FANCB: variants seen among roughly 807,000 people sequenced by gnomAD.
FANCB encodes FA complementation group B.
FANCB carries 5 observed loss-of-function variants against 38.9 expected under a neutral mutation model. The ratio of observed to expected loss-of-function variants is 0.13; its 90% CI spans 0.07 to 0.27. The LOEUF is 0.27. Ranked by LOEUF, FANCB falls within the 10% of genes least tolerant of loss-of-function variation. The probability of loss-of-function intolerance (pLI) is 1.00; values close to 1 mark genes in which losing one functional copy is unlikely to be tolerated. For synonymous variants in FANCB, 236 were observed against 215.4 expected, an observed-to-expected ratio of 1.10 and a Z score of -0.84; for missense variants, 573 against 602.7, an observed-to-expected ratio of 0.95 and a Z score of 0.52.
At chrX:14,696,816 T>A in the FANCB span, among the ~76,000 whole-genome samples, 3 of 112,129 alleles carry the variant, frequency 2.7e-5, no homozygotes, top group Non-Finnish European at 3.8e-5. Context: ...TTACAATCCC[T>A]GCTATGTTTA....
the FANCB span, among the ~76,000 whole-genome samples, chrX:14,715,936 G>A: frequency 9.0e-6 from 1 of 111,710 alleles, no homozygotes; most frequent in Non-Finnish European, 1.9e-5. Context: ...GCGTAGCACA[G>A]TGCAAAATTA....
At chrX:14,721,618 T>G in the FANCB span, among the ~76,000 whole-genome samples, 1 of 111,449 alleles carries the variant, frequency 9.0e-6, no homozygotes, top group East Asian at 2.8e-4. Context: ...GCTTTAGATA[T>G]TTCTCAGGTT....
chrX:14,691,509 G>T, the FANCB span, among the ~76,000 whole-genome samples: 1 of 111,483 alleles, frequency 9.0e-6, no homozygotes, highest in Non-Finnish European at 1.9e-5. Context: ...GAGACTTCAG[G>T]TTTGAAATGC....
chrX:14,791,088 G>GA, the FANCB span, among the ~76,000 whole-genome samples: 6 of 103,987 alleles, frequency 5.8e-5, no homozygotes, highest in Non-Finnish European at 7.9e-5. Flanking sequence ...AAGACCATGA[G>GA]AAAAAAAAAA....
the FANCB span, among the ~76,000 whole-genome samples, chrX:14,746,772 C>T: frequency 8.9e-6 from 1 of 112,149 alleles, no homozygotes; most frequent in Non-Finnish European, 1.9e-5. Flanking sequence ...TGGTTAAGTA[C>T]ATTTGAGACC....
At chrX:14,793,211 T>C in the FANCB span, among the ~76,000 whole-genome samples, 1 of 112,441 alleles carries the variant, frequency 8.9e-6, no homozygotes, top group Non-Finnish European at 1.9e-5. Flanking sequence ...AAACCCATAA[T>C]ATATTGAGCC....
chrX:14,836,978 C>T (rs1320149426), intron 10 of FANCB, among the ~76,000 whole-genome samples: 3 of 111,983 alleles, frequency 2.7e-5, no homozygotes, highest in African/African-American at 9.8e-5. Context: ...CAACAAGAGT[C>T]TTAAATTTAT....
At chrX:14,779,766 A>T in the FANCB span, among the ~76,000 whole-genome samples, 1 of 111,165 alleles carries the variant, frequency 9.0e-6, no homozygotes, top group Non-Finnish European at 1.9e-5. Flanking sequence ...TGATAGTGGA[A>T]GATAAGGTCT....
the FANCB span, among the ~76,000 whole-genome samples, chrX:14,741,792 C>G: frequency 1.8e-5 from 2 of 111,572 alleles, no homozygotes; most frequent in African/African-American, 3.3e-5. Flanking sequence ...TGTTCCAGAC[C>G]AAAGAGCATT....
intron 3 of FANCB, 49 bp from the exon 4 acceptor site, chrX:14,859,383 T>A (rs1463940188): frequency 3.2e-6 from 3 of 941,774 alleles, no homozygotes; most frequent in Admixed American, 2.3e-5. Flanking sequence ...AAAAATCGAA[T>A]GTGAAATAAA....
At chrX:14,693,446 G>A in the FANCB span, among the ~76,000 whole-genome samples, 20 of 111,232 alleles carry the variant, frequency 1.8e-4, no homozygotes, top group Non-Finnish European at 3.8e-4. Context: ...TGTCTACAAC[G>A]AATAACATGG....
chrX:14,806,978 T>C, the FANCB span, among the ~76,000 whole-genome samples: 30 of 111,716 alleles, frequency 2.7e-4, no homozygotes, highest in Middle Eastern at 4.6e-3. Flanking sequence ...AATAATGACA[T>C]GGTTTGATTC....
chrX:14,716,082 G>C, the FANCB span, among the ~76,000 whole-genome samples: 1 of 111,275 alleles, frequency 9.0e-6, no homozygotes, highest in African/African-American at 3.3e-5. Flanking sequence ...AGCTGACCCT[G>C]TCAGAAGGTC....
intron 3 of FANCB, among the ~76,000 whole-genome samples, chrX:14,863,603 TGA>T (rs1349661439): frequency 1.8e-5 from 2 of 112,179 alleles, no homozygotes; most frequent in Non-Finnish European, 1.9e-5. Flanking sequence ...TCAATACCAG[TGA>T]ATATTTTAGA....
the FANCB span, among the ~76,000 whole-genome samples, chrX:14,786,833 A>C: frequency 8.3e-4 from 92 of 111,257 alleles, 2 homozygotes; most frequent in Non-Finnish European, 1.7e-4. Flanking sequence ...CATAGTACCA[A>C]TGTCTCCAGG....
the FANCB span, among the ~76,000 whole-genome samples, chrX:14,717,048 A>G: frequency 9.0e-6 from 1 of 111,153 alleles, no homozygotes; most frequent in Non-Finnish European, 1.9e-5. Flanking sequence ...GCAACAACAA[A>G]TCTGACGTGT....
At chrX:14,744,141 T>A in the FANCB span, among the ~76,000 whole-genome samples, 3 of 111,741 alleles carry the variant, frequency 2.7e-5, no homozygotes, top group African/African-American at 9.8e-5. Flanking sequence ...ACATACAGAT[T>A]AAGCCAGAGA....
the FANCB span, among the ~76,000 whole-genome samples, chrX:14,766,955 T>C: frequency 2.7e-5 from 3 of 112,099 alleles, no homozygotes; most frequent in Admixed American, 9.5e-5. Flanking sequence ...TTTGGATTTC[T>C]GTTCCTGCAT....
At chrX:14,829,558 G>T in the FANCB span, among the ~76,000 whole-genome samples, 1 of 111,227 alleles carries the variant, frequency 9.0e-6, no homozygotes, top group Non-Finnish European at 1.9e-5. Flanking sequence ...TGTGACCTTA[G>T]ATCTTCCAGA....
Sources: allele counts gnomAD v4.1 joint callset (sites outside exome capture counted in the v4.1 genomes callset), GRCh38; gene constraint gnomAD v4.1.1; transcripts MANE v1.5; gene names NCBI Gene and HGNC (gene_info 2026-07-23, HGNC 2026-07-21).